Variants in SOX6 observed in about 807,000 individuals in gnomAD.
The protein encoded by SOX6 is SRY-box transcription factor 6.
SOX6 carries 11 observed loss-of-function variants against 97.8 expected under a neutral mutation model. The observed-to-expected ratio is 0.11, with a 90% CI of 0.07 to 0.19. The LOEUF (loss-of-function observed/expected upper bound fraction) is 0.19. Ranked by LOEUF, SOX6 falls within the 10% of genes least tolerant of loss-of-function variation. SOX6 has a pLI of 1.00. For missense variants in SOX6, 810 were observed against 1,039.5 expected (o/e 0.78, Z 3.04); for synonymous variants, 360 against 371.4 (o/e 0.97, Z 0.35).
intron 4 of SOX6, among the ~76,000 whole-genome samples, chr11:16,202,181 A>G (rs1851959464): frequency 6.6e-6 from 1 of 152,182 alleles, no homozygotes; most frequent in Non-Finnish European, 1.5e-5. Flanking sequence ...TATATTAAGC[A>G]CATGTTCAAC....
At chr11:16,597,302 G>GTA (rs1001727247) in intron 4 of SOX6, among the ~76,000 whole-genome samples, 15 of 147,652 alleles carry the variant, frequency 1.0e-4, no homozygotes, top group African/African-American at 1.5e-4. Flanking sequence ...CCACTTATAT[G>GTA]TATATATATA....
intron 9 of SOX6, among the ~76,000 whole-genome samples, chr11:16,093,774 G>T (rs1848739490): frequency 6.6e-6 from 1 of 151,902 alleles, no homozygotes; most frequent in Non-Finnish European, 1.5e-5. Flanking sequence ...ACCCTAGCTA[G>T]AAAAGAAAGC....
chr11:16,231,453 A>T (rs1852849269), intron 4 of SOX6, among the ~76,000 whole-genome samples: 2 of 151,782 alleles, frequency 1.3e-5, no homozygotes, highest in African/African-American at 4.8e-5. Flanking sequence ...TCCCCTATAA[A>T]AATGGCAAGA....
At chr11:16,381,206 G>A (rs1220070286) in intron 1 of SOX6, among the ~76,000 whole-genome samples, 1 of 151,778 alleles carries the variant, frequency 6.6e-6, no homozygotes, top group African/African-American at 2.4e-5. Context: ...AGAGAGAAAA[G>A]AGCTGACATC....
At chr11:16,060,166 T>A (rs1426024979) in intron 9 of SOX6, among the ~76,000 whole-genome samples, 2 of 151,996 alleles carry the variant, frequency 1.3e-5, no homozygotes, top group African/African-American at 4.8e-5. Context: ...TACATCTATT[T>A]TTTTTTAAAA....
chr11:16,361,897 G>A (rs1321381036), intron 1 of SOX6, among the ~76,000 whole-genome samples: 6 of 152,162 alleles, frequency 3.9e-5, no homozygotes, highest in African/African-American at 1.4e-4. Context: ...AAAACTAGAC[G>A]TAAGTGCTAT....
At chr11:16,641,786 G>C (rs1482407263) in intron 3 of SOX6, among the ~76,000 whole-genome samples, 1 of 151,774 alleles carries the variant, frequency 6.6e-6, no homozygotes. Context: ...CCTTTATTTT[G>C]AGCCTATGTG....
intron 9 of SOX6, among the ~76,000 whole-genome samples, chr11:16,077,678 T>A (rs1848387556): frequency 6.6e-6 from 1 of 152,148 alleles, no homozygotes; most frequent in South Asian, 2.1e-4. Flanking sequence ...GAGCTGGCAG[T>A]CATTATCCTA....
At chr11:16,268,609 C>T (rs1375864763) in intron 3 of SOX6, among the ~76,000 whole-genome samples, 1 of 151,144 alleles carries the variant, frequency 6.6e-6, no homozygotes, top group Non-Finnish European at 1.5e-5. Flanking sequence ...GACAAATTCA[C>T]AATTGTAAGT....
Position 16,512,989 on chromosome 11 carries a change from T to A in SOX6, n.610-36601A>T, listed in dbSNP as rs143084656. 4.7e-3 allele frequency among the ~76,000 whole-genome samples: 712 copies of A among 152,212 alleles called. 9 individuals carry two copies. The highest frequency in any genetic ancestry group is 0.016 in the African/African-American group (673 of 41,526). On this transcript the variant is annotated intron_variant and non_coding_transcript_variant, in intron 4 of 5. Transcript: ENST00000524520. ...TCAGTTCCTTGAAATGTATATGCAATCTAGAAAGGAAACATATGGAAAGGA... is the reference window on the plus strand; with the variant it reads ...TCAGTTCCTTGAAATGTATATGCAAACTAGAAAGGAAACATATGGAAAGGA...
intron 3 of SOX6, among the ~76,000 whole-genome samples, chr11:16,269,604 A>T (rs577365106): frequency 2.6e-5 from 4 of 151,022 alleles, no homozygotes; most frequent in African/African-American, 9.7e-5. Context: ...CAGATGTACT[A>T]CTGTGTCTTT....
At chr11:16,109,871 T>C (rs1849186502) in intron 7 of SOX6, among the ~76,000 whole-genome samples, 1 of 152,112 alleles carries the variant, frequency 6.6e-6, no homozygotes, top group Non-Finnish European at 1.5e-5. Context: ...TCAAAACCCA[T>C]TGTCCTGCCT....
intron 6 of SOX6, among the ~76,000 whole-genome samples, chr11:16,145,925 T>A (rs891600103): frequency 6.6e-6 from 1 of 152,138 alleles, no homozygotes. Context: ...GGCCATACTG[T>A]CCAAGGTAAT....
intron 1 of SOX6, among the ~76,000 whole-genome samples, chr11:16,365,247 G>T (rs1441427291): frequency 6.6e-6 from 1 of 151,542 alleles, no homozygotes; most frequent in African/African-American, 2.4e-5. Flanking sequence ...TCCACTGAGG[G>T]TCTTGAAACA....
At chr11:16,545,378 A>G (rs1432544290) in intron 4 of SOX6, among the ~76,000 whole-genome samples, 1 of 151,798 alleles carries the variant, frequency 6.6e-6, no homozygotes, top group Non-Finnish European at 1.5e-5. Context: ...ATCTCAATAG[A>G]CACAGAAAAG....
At chr11:16,082,005 T>C (rs920759627) in intron 9 of SOX6, among the ~76,000 whole-genome samples, 2 of 152,230 alleles carry the variant, frequency 1.3e-5, no homozygotes, top group African/African-American at 2.4e-5. Context: ...CAGATATGAA[T>C]AGACTTTCCT....
At chr11:16,372,342 T>C (rs1032001189) in intron 1 of SOX6, among the ~76,000 whole-genome samples, 9 of 152,020 alleles carry the variant, frequency 5.9e-5, no homozygotes, top group African/African-American at 2.2e-4. Context: ...TAATATATAA[T>C]AGACATATGT....
chr11:16,292,843 C>T (rs886405145), intron 3 of SOX6, among the ~76,000 whole-genome samples: 1 of 152,156 alleles, frequency 6.6e-6, no homozygotes. Flanking sequence ...GTTTTTAACC[C>T]TAACCATGCA....
chr11:16,103,087 A>T (rs952470305), intron 7 of SOX6, among the ~76,000 whole-genome samples: 2 of 152,098 alleles, frequency 1.3e-5, no homozygotes, highest in Non-Finnish European at 2.9e-5. Flanking sequence ...GAGTTAACAG[A>T]CAACCCACAG....
Sources: gnomAD v4.1 joint callset for allele counts (sites outside exome capture counted in the v4.1 genomes callset) on GRCh38, gnomAD v4.1.1 for gene constraint, MANE v1.5 for transcripts, NCBI Gene and HGNC (gene_info 2026-07-23, HGNC 2026-07-21) for gene names.